The following MLC1 variants were observed in gnomAD, a reference collection of about 807,000 sequenced individuals.
MLC1 encodes membrane protein MLC1.
A neutral mutation model predicts 44.7 loss-of-function variants in MLC1; 32 were observed. That is an observed-to-expected ratio of 0.72 (90% CI 0.54 to 0.96). The LOEUF is 0.96. MLC1 is among the 40% of genes least tolerant of loss of function. The probability of loss-of-function intolerance (pLI) is 0.00; values close to 1 mark genes in which losing one functional copy is unlikely to be tolerated. For synonymous variants in MLC1, 190 were observed against 213.0 expected, an observed-to-expected ratio of 0.89 and a Z score of 0.94; for missense variants, 459 against 492.2, an observed-to-expected ratio of 0.93 and a Z score of 0.64.
At chr22:50,082,163 G>A (rs117919971) in intron 3 of MLC1, among the ~76,000 whole-genome samples, 1 of 152,118 alleles carries the variant, frequency 6.6e-6, no homozygotes, top group Non-Finnish European at 1.5e-5. Flanking sequence ...GAAGCAGGAG[G>A]GGCGTGGGGT....
intron 9 of MLC1, 94 bp downstream of exon 9, chr22:50,070,433 T>C: frequency 8.1e-7 from 1 of 1,237,364 alleles, no homozygotes; most frequent in South Asian, 1.3e-5. Flanking sequence ...TCTCTTGGGC[T>C]GGAGCCTGGT....
chr22:50,062,163 A>G (rs975553112), intron 11 of MLC1, among the ~76,000 whole-genome samples: 9 of 142,760 alleles, frequency 6.3e-5, no homozygotes, highest in African/African-American at 2.4e-4. Context: ...CCTGGGCCCC[A>G]GCCGTCCACC....
intron 7 of MLC1, among the ~76,000 whole-genome samples, chr22:50,075,704 T>C (rs1320348383): frequency 7.1e-6 from 1 of 139,942 alleles, no homozygotes; most frequent in Non-Finnish European, 1.5e-5. Context: ...CAGGACTCCA[T>C]CTCAAAAAAA....
In MLC1 at chr22:50,076,948, G is replaced by A; in HGVS notation, c.526-36C>T. ...ACAGAACTGTCACCCCGGGTGCACG[G>A]GCACAGGGACTCAGCACTGCCGCTG... On this transcript the variant is annotated intron_variant, in intron 6 of 11. Transcript: ENST00000311597. 3 of 1,612,050 alleles carry A rather than the reference G, an allele frequency of 1.9e-6. No homozygotes were observed. In the South Asian group the frequency reaches 3.3e-5, roughly 18 times the overall value.
At chr22:50,070,157 G>A (rs2076128) in intron 9 of MLC1, among the ~76,000 whole-genome samples, 18,567 of 152,130 alleles carry the variant, frequency 0.12, 1,270 homozygotes, top group South Asian at 0.23. Context: ...AGCCAAGATC[G>A]TGCCATTGCA....
intron 3 of MLC1, among the ~76,000 whole-genome samples, chr22:50,080,751 G>A (rs2062101771): frequency 6.6e-6 from 1 of 152,130 alleles, no homozygotes; most frequent in Non-Finnish European, 1.5e-5. Context: ...TTTTTCTGAT[G>A]TGCTAAAAAG....
rs753825336 is a variant in MLC1 at position 50,080,023 on chromosome 22, A to C, written c.322-4T>G. 3.7e-6 allele frequency: 6 copies of C among 1,607,258 alleles called. No homozygotes were observed. The highest frequency in any genetic ancestry group is 5.1e-6 in the Non-Finnish European group (6 of 1,173,718). On this transcript the variant is annotated splice_region_variant and splice_polypyrimidine_tract_variant and intron_variant, in intron 4 of 11. Coordinates refer to ENST00000311597, the MANE Select transcript of MLC1 (RefSeq NM_015166.4). ...ACAATATCTGAAAGTTGGGAATCTG[A>C]AAAACAAGGCAGGAGGGGTTTTCCT...
intron 9 of MLC1, among the ~76,000 whole-genome samples, chr22:50,069,215 G>C (rs1182433507): frequency 1.3e-5 from 2 of 150,038 alleles, no homozygotes; most frequent in Admixed American, 6.6e-5. Flanking sequence ...TTTTAGTAGA[G>C]ACAGGGTTTC....
rs58026340 is a variant in MLC1 at position 50,075,969 on chromosome 22, C to G, written c.597+872G>C. 7.7e-3 allele frequency among the ~76,000 whole-genome samples: 1,175 copies of G among 152,136 alleles called. 60 individuals carry two copies. The East Asian group carries it at 0.12, about 15-fold the overall frequency. On this transcript the variant is annotated intron_variant, in intron 7 of 11. Coordinates refer to ENST00000311597, the MANE Select transcript of MLC1 (RefSeq NM_015166.4). ...AGCGTATTAGAATATGAAGGGCAAC[C>G]CCCAAAAGAATACTGAAAAATTTCC...
At chr22:50,066,969 G>C (rs61256895) in intron 10 of MLC1, among the ~76,000 whole-genome samples, 7 of 152,168 alleles carry the variant, frequency 4.6e-5, no homozygotes, top group Admixed American at 2.0e-4. Context: ...GGCCGACTTC[G>C]ATGGCGTGTG....
At chr22:50,076,957 A>T in intron 6 of MLC1, 45 bp from the exon 7 acceptor site, 1 of 1,606,590 alleles carries the variant, frequency 6.2e-7, no homozygotes, top group African/African-American at 1.3e-5. Flanking sequence ...GGGCACAGGG[A>T]CTCAGCACTG....
rs2062207088 is a variant in MLC1 at position 50,083,708 on chromosome 22, G to A, written c.178-535C>T. ...GGTGCTCTCTCTCACGCACAGCACT[G>A]CAGGGGTGCGGTGGGGAGGGGGCTC... On this transcript the variant is annotated intron_variant, in intron 2 of 11. Coordinates refer to ENST00000311597, the MANE Select transcript of MLC1 (RefSeq NM_015166.4). This position sits in a 1 kb window ranked among gnomAD's most constrained non-coding sequence, Gnocchi z 4.6. Among the ~76,000 whole-genome samples, 1 of 152,072 alleles carries A rather than the reference G, an allele frequency of 6.6e-6. No individual in the cohort carries two copies.
chr22:50,068,456 T>C lies in MLC1; in HGVS notation c.871A>G (p.Lys291Glu). 1 of 1,613,820 alleles carries C rather than the reference T, an allele frequency of 6.2e-7. No individual in the cohort carries two copies. ...ACTTTTATGGCTGGCGGGTAATCCTTAAACATCTCCACGATTCTCATGATG... is the reference window on the plus strand; with the variant it reads ...ACTTTTATGGCTGGCGGGTAATCCTCAAACATCTCCACGATTCTCATGATG... ...FSIMRIVEMF[K>E]DYPPAIKPSY... The change falls in exon 10 of 12, where the codon AAG becomes GAG. Residue 291 changes from lysine to glutamate, a missense_variant. Coordinates refer to ENST00000311597, the MANE Select transcript of MLC1 (RefSeq NM_015166.4).
Position 50,061,499 on chromosome 22 carries a change from C to G in MLC1, c.*84G>C. 7.2e-7 allele frequency: 1 copy of G among 1,387,730 alleles called. No individual in the cohort carries two copies. Among genetic ancestry groups the G allele is most frequent in the Non-Finnish European group, 1.0e-6 (1 of 981,408 alleles). 86.0% of individuals were successfully genotyped at this position (1,387,730 alleles called of 1,614,324 possible). A position where few individuals can be genotyped will look rare whatever the true frequency, so the allele number is the denominator to read the frequency against. On this transcript the variant is annotated 3_prime_UTR_variant, in exon 12 of 12. Coordinates refer to ENST00000311597, the MANE Select transcript of MLC1 (RefSeq NM_015166.4). ...CACAAGGGAAAAGAGGTGTTAGAAG[C>G]AGTAGCTCAGGGCGATTAGGGGTTG...
chr22:50,064,689 A>G (rs1361282484), intron 10 of MLC1, among the ~76,000 whole-genome samples: 2 of 152,190 alleles, frequency 1.3e-5, no homozygotes, highest in Admixed American at 6.5e-5. Context: ...AGGAAGGGGC[A>G]GGAGGCAGCG....
At chr22:50,068,332 T>C (rs1409845133) in intron 10 of MLC1, 101 bp downstream of exon 10, 3 of 1,514,268 alleles carry the variant, frequency 2.0e-6, no homozygotes, top group African/African-American at 1.4e-5. Flanking sequence ...GAGCTGTCCC[T>C]GGAGCCAGCG....
At chr22:50,080,917 G>A (rs1029929471) in intron 3 of MLC1, among the ~76,000 whole-genome samples, 10 of 151,766 alleles carry the variant, frequency 6.6e-5, no homozygotes, top group Admixed American at 5.9e-4. Flanking sequence ...CAACTACTCC[G>A]GAGGCTGAGC....
chr22:50,066,892 G>T (rs9617142), intron 10 of MLC1, among the ~76,000 whole-genome samples: 5 of 150,382 alleles, frequency 3.3e-5, no homozygotes, highest in Middle Eastern at 3.2e-3. Flanking sequence ...CCCTAAAATG[G>T]AATACAACCA....
intron 9 of MLC1, 68 bp from the exon 10 acceptor site, chr22:50,068,623 A>AT: frequency 1.3e-6 from 1 of 783,288 alleles, no homozygotes; most frequent in Non-Finnish European, 2.0e-6. Flanking sequence ...GGGCGTGGCC[A>AT]GGGCTGGGGG....
Sources: gnomAD v4.1 joint callset for allele counts (sites outside exome capture counted in the v4.1 genomes callset) on GRCh38, gnomAD v4.1.1 for gene constraint, Gnocchi (gnomAD v3.1) non-coding constraint, MANE v1.5 for transcripts, NCBI Gene and HGNC (gene_info 2026-07-23, HGNC 2026-07-21) for gene names.